Variants in CSMD2 observed in about 807,000 individuals in gnomAD.
CSMD2 encodes the protein CUB and sushi domain-containing protein 2.
Under a neutral mutation model 398.5 loss-of-function variants are expected in CSMD2, and 130 were observed. That is an observed-to-expected ratio of 0.33 (90% CI 0.28 to 0.38). The LOEUF (loss-of-function observed/expected upper bound fraction) is 0.38, where lower values mean the gene tolerates loss of function less well. Among genes scored for constraint, CSMD2 ranks in the 10% least tolerant of loss-of-function variants. The pLI is 1.00. For missense variants in CSMD2, 3,829 were observed against 4,764.9 expected (o/e 0.80, Z 5.78); for synonymous variants, 1,828 against 1,908.5 (o/e 0.96, Z 1.10).
chr1:33,999,657 G>T (rs1332176123), intron 3 of CSMD2, among the ~76,000 whole-genome samples: 3 of 152,024 alleles, frequency 2.0e-5, no homozygotes, highest in Non-Finnish European at 4.4e-5. Context: ...CATTCAAAGT[G>T]CTAGGATTAC....
rs919352186 is a variant in CSMD2 at position 33,646,912 on chromosome 1, A to G, written c.4587-77T>C. On this transcript the variant is annotated intron_variant, in intron 28 of 70. Coordinates refer to ENST00000373381, the MANE Select transcript of CSMD2 (RefSeq NM_001281956.2). ...TTTGCCGGGGTCTTAGGCTCAACCAAAGCATAGGGCCTCCCAGGGAGCAAG... is the reference window on the plus strand; with the variant it reads ...TTTGCCGGGGTCTTAGGCTCAACCAGAGCATAGGGCCTCCCAGGGAGCAAG... The G allele has an allele frequency of 1.8e-5, 25 of 1,421,768 alleles. No individual in the cohort carries two copies. The East Asian group carries it at 6.0e-4, about 34-fold the overall frequency. 88.1% of individuals were successfully genotyped at this position (1,421,768 alleles called of 1,614,324 possible).
intron 6 of CSMD2, among the ~76,000 whole-genome samples, chr1:33,831,299 T>C (rs1304547857): frequency 6.6e-6 from 1 of 152,168 alleles, no homozygotes; most frequent in Non-Finnish European, 1.5e-5. Context: ...CCCATCAGAC[T>C]AACAGCGGAT....
intron 58 of CSMD2, among the ~76,000 whole-genome samples, chr1:33,541,860 T>C (rs1656375825): frequency 6.6e-6 from 1 of 152,150 alleles, no homozygotes; most frequent in Admixed American, 6.5e-5. Context: ...CATGAGACAA[T>C]TGATTTGTCT....
At chr1:33,771,170 G>A (rs1651205766) in intron 13 of CSMD2, among the ~76,000 whole-genome samples, 2 of 152,252 alleles carry the variant, frequency 1.3e-5, no homozygotes, top group Middle Eastern at 3.4e-3. Context: ...CAGAGATTAA[G>A]CCCCCATGGC....
chr1:33,584,252 C>A (rs1245811159), intron 46 of CSMD2, among the ~76,000 whole-genome samples: 2 of 152,234 alleles, frequency 1.3e-5, no homozygotes, highest in African/African-American at 2.4e-5. Context: ...CACCTGGATT[C>A]ATAGCCCACC....
chr1:34,036,572 G>A (rs1031302733), intron 2 of CSMD2, among the ~76,000 whole-genome samples: 7 of 152,204 alleles, frequency 4.6e-5, no homozygotes, highest in African/African-American at 9.6e-5. Context: ...AGATCTTTGG[G>A]TGATGGAATC....
chr1:33,873,440 C>T (rs1244356271), intron 5 of CSMD2: 2 of 152,154 alleles, frequency 1.3e-5, no homozygotes, highest in African/African-American at 2.4e-5. Context: ...GAATAGAATA[C>T]AGAAAAAGTG....
intron 5 of CSMD2, among the ~76,000 whole-genome samples, chr1:33,903,349 A>T (rs10914811): frequency 0.27 from 35,638 of 132,904 alleles, 4,278 homozygotes; most frequent in South Asian, 0.35. Context: ...TTTTTTTTTT[A>T]AAGACTGGCC....
chr1:34,107,924 T>C lies in CSMD2; in HGVS notation c.188-18731A>G, dbSNP rs151259543. On this transcript the variant is annotated intron_variant, in intron 1 of 70. Coordinates refer to ENST00000373381, the MANE Select transcript of CSMD2 (RefSeq NM_001281956.2). ...GGGAAATAGGAGTGAATTGTCAAAA[T>C]ATGTGAAACCAAGCCTATGCTGCTG... is the stretch of plus-strand genomic sequence containing the variant. 2.3e-3 allele frequency among the ~76,000 whole-genome samples: 352 copies of C among 152,282 alleles called. 2 individuals carry two copies. The highest frequency in any genetic ancestry group is 8.2e-3 in the African/African-American group (340 of 41,560).
chr1:33,848,261 G>A (rs966533783), intron 5 of CSMD2, among the ~76,000 whole-genome samples: 1 of 152,186 alleles, frequency 6.6e-6, no homozygotes, highest in Admixed American at 6.5e-5. Flanking sequence ...AGAGAAAATA[G>A]TTATCTCCAA....
At chr1:33,557,707 C>T in intron 55 of CSMD2, 27 bp downstream of exon 55, 1 of 1,531,210 alleles carries the variant, frequency 6.5e-7, no homozygotes, top group South Asian at 1.2e-5. Context: ...CCCCATCAGT[C>T]ATTTTGAGCA....
In CSMD2 at chr1:33,652,309, G is replaced by A. The variant is rs760262703; in HGVS notation, c.4586+14C>T. On this transcript the variant is annotated intron_variant, in intron 28 of 70. Transcript: ENST00000373381. ...CTGAACCCTTCGTCTCCCACCCGGGGGAAAGGTACATACATGTTAAATACC... is the reference window on the plus strand; with the variant it reads ...CTGAACCCTTCGTCTCCCACCCGGGAGAAAGGTACATACATGTTAAATACC... 1.9e-6 allele frequency: 3 copies of A among 1,613,488 alleles called. No individual in the cohort carries two copies. The South Asian group carries it at 3.3e-5, about 18-fold the overall frequency.
chr1:33,874,611 G>A (rs1408245962), intron 5 of CSMD2, among the ~76,000 whole-genome samples: 1 of 152,146 alleles, frequency 6.6e-6, no homozygotes, highest in Non-Finnish European at 1.5e-5. Context: ...TACCTAGCTT[G>A]GTATTTCCAG....
At chr1:34,165,627 GACAC>G, upstream of CSMD2, 2 of 855,870 alleles carry the variant, frequency 2.3e-6, no homozygotes, top group Non-Finnish European at 1.9e-6. Context: ...CAGTGACAGA[GACAC>G]ACGCACTCAC....
At chr1:34,099,803 G>C (rs1239245581) in intron 1 of CSMD2, among the ~76,000 whole-genome samples, 1 of 152,194 alleles carries the variant, frequency 6.6e-6, no homozygotes, top group Middle Eastern at 3.2e-3. Context: ...CTGAGAGCTG[G>C]AGCCTTGACC....
At chr1:33,905,103 C>T (rs1279973371) in intron 5 of CSMD2, among the ~76,000 whole-genome samples, 6 of 152,128 alleles carry the variant, frequency 3.9e-5, no homozygotes, top group East Asian at 1.9e-4. Flanking sequence ...CTGTGCCCAG[C>T]GATATGTTCA....
At chr1:33,901,027 G>A (rs1268752159) in intron 5 of CSMD2, among the ~76,000 whole-genome samples, 3 of 152,176 alleles carry the variant, frequency 2.0e-5, no homozygotes, top group Non-Finnish European at 4.4e-5. Context: ...CCCAGCTGGG[G>A]AGAACCACGT....
intron 12 of CSMD2, among the ~76,000 whole-genome samples, chr1:33,773,860 C>T (rs888904855): frequency 6.6e-6 from 1 of 152,036 alleles, no homozygotes; most frequent in African/African-American, 2.4e-5. Flanking sequence ...GAAAAAGGGA[C>T]CCTGCCTGTT....
intron 3 of CSMD2, among the ~76,000 whole-genome samples, chr1:33,990,324 T>C (rs927236598): frequency 6.6e-6 from 1 of 152,130 alleles, no homozygotes; most frequent in Non-Finnish European, 1.5e-5. Context: ...GTAGTAGTAA[T>C]GTAAGATATG....
Sources: allele counts gnomAD v4.1 joint callset (sites outside exome capture counted in the v4.1 genomes callset), GRCh38; gene constraint gnomAD v4.1.1; transcripts MANE v1.5; gene names NCBI Gene and HGNC (gene_info 2026-07-23, HGNC 2026-07-21).